The following SGCD variants were observed in gnomAD, a reference collection of about 807,000 sequenced individuals.
The protein encoded by SGCD is sarcoglycan delta, also known as delta-sarcoglycan.
SGCD carries 18 observed loss-of-function variants against 36.6 expected under a neutral mutation model. The ratio of observed to expected loss-of-function variants is 0.49; its 90% CI spans 0.34 to 0.73. The LOEUF is 0.73. SGCD is among the 30% of genes least tolerant of loss of function. The pLI is 0.01. For missense variants in SGCD, 387 were observed against 346.7 expected (o/e 1.12, Z -0.92); for synonymous variants, 133 against 130.6 (o/e 1.02, Z -0.12).
the SGCD span, among the ~76,000 whole-genome samples, chr5:155,736,296 C>G: frequency 6.6e-6 from 1 of 152,134 alleles, no homozygotes; most frequent in African/African-American, 2.4e-5. Context: ...AAAAAGCTTA[C>G]CAAACTAACC....
At chr5:156,525,665 C>G (rs974831490) in intron 4 of SGCD, among the ~76,000 whole-genome samples, 12 of 151,972 alleles carry the variant, frequency 7.9e-5, no homozygotes, top group African/African-American at 2.7e-4. Flanking sequence ...AGACCAATGT[C>G]ATAGAGCTTT....
intron 7 of SGCD, among the ~76,000 whole-genome samples, chr5:156,662,910 G>C (rs1281046694): frequency 2.0e-5 from 3 of 149,190 alleles, no homozygotes; most frequent in Non-Finnish European, 4.5e-5. Context: ...TACCCACACC[G>C]GTTTTTCTGT....
intron 3 of SGCD, among the ~76,000 whole-genome samples, chr5:156,146,800 G>A (rs532680241): frequency 1.8e-4 from 27 of 152,170 alleles, no homozygotes; most frequent in Non-Finnish European, 3.5e-4. Flanking sequence ...ATTGCTTCTG[G>A]GAAGCCCAGG....
chr5:155,896,472 CAAAA>C (rs34729768), intron 1 of SGCD, among the ~76,000 whole-genome samples: 1 of 125,146 alleles, frequency 8.0e-6, no homozygotes, highest in Non-Finnish European at 1.7e-5. Flanking sequence ...CCTGTCTCTA[CAAAA>C]AAAAAAAAAA....
intron 2 of SGCD, among the ~76,000 whole-genome samples, chr5:156,332,210 C>T (rs1429023061): frequency 6.6e-6 from 1 of 152,216 alleles, no homozygotes; most frequent in African/African-American, 2.4e-5. Flanking sequence ...AACAGCAGGT[C>T]ATAAACCGGC....
At chr5:155,962,974 C>A (rs933231480) in intron 1 of SGCD, among the ~76,000 whole-genome samples, 1 of 152,086 alleles carries the variant, frequency 6.6e-6, no homozygotes, top group Non-Finnish European at 1.5e-5. Context: ...TTTTGAGGCA[C>A]AAAAGAAAAT....
At chr5:156,671,225 A>G (rs542740314) in intron 7 of SGCD, among the ~76,000 whole-genome samples, 7 of 149,196 alleles carry the variant, frequency 4.7e-5, no homozygotes, top group East Asian at 2.0e-4. Flanking sequence ...TGGCTTTCCA[A>G]TTGGAGCTTT....
chr5:156,396,343 G>A (rs555149013), intron 3 of SGCD, among the ~76,000 whole-genome samples: 2 of 152,332 alleles, frequency 1.3e-5, no homozygotes, highest in South Asian at 2.1e-4. Context: ...CAATTGTGGA[G>A]CACATAAACT....
chr5:156,365,685 A>T (rs1356496464), intron 3 of SGCD, among the ~76,000 whole-genome samples: 2 of 152,168 alleles, frequency 1.3e-5, no homozygotes, highest in Non-Finnish European at 2.9e-5. Flanking sequence ...TATGCCCATA[A>T]ATATGGGCAT....
the SGCD span, among the ~76,000 whole-genome samples, chr5:155,781,522 C>A: frequency 4.6e-5 from 7 of 152,174 alleles, no homozygotes; most frequent in African/African-American, 1.7e-4. Context: ...TGTGCAGTGG[C>A]ATGATCATGG....
chr5:155,979,322 C>T (rs1026709565), intron 1 of SGCD, among the ~76,000 whole-genome samples: 1 of 152,194 alleles, frequency 6.6e-6, no homozygotes, highest in African/African-American at 2.4e-5. Flanking sequence ...TAGGGGAACA[C>T]AGTGCCTGGC....
At chr5:156,757,954 T>G in intron 8 of SGCD, 2 of 1,260,448 alleles carry the variant, frequency 1.6e-6, no homozygotes, top group Non-Finnish European at 1.0e-6. Context: ...TATATGACCA[T>G]GAAAATGAAT....
intron 7 of SGCD, among the ~76,000 whole-genome samples, chr5:156,684,856 G>A (rs751200976): frequency 3.9e-5 from 6 of 152,136 alleles, no homozygotes; most frequent in South Asian, 2.1e-4. Context: ...GATAATTTCC[G>A]GTTTTAGTTT....
At chr5:156,369,044 C>A (rs1770252774) in intron 3 of SGCD, among the ~76,000 whole-genome samples, 1 of 152,132 alleles carries the variant, frequency 6.6e-6, no homozygotes, top group African/African-American at 2.4e-5. Flanking sequence ...CCAGATGATT[C>A]CCTGTAATTC....
At chr5:156,697,619 A>G (rs761459931) in intron 7 of SGCD, among the ~76,000 whole-genome samples, 3 of 152,166 alleles carry the variant, frequency 2.0e-5, no homozygotes, top group Non-Finnish European at 4.4e-5. Flanking sequence ...GAGTTTCTCT[A>G]TCTCTGCCTG....
the SGCD span, among the ~76,000 whole-genome samples, chr5:155,743,363 C>T: frequency 0.059 from 8,977 of 152,158 alleles, 872 homozygotes; most frequent in African/African-American, 0.2. Context: ...ACCAATATTA[C>T]AACAAAAGAT....
chr5:156,444,232 C>G (rs902364231), intron 3 of SGCD, among the ~76,000 whole-genome samples: 1 of 151,068 alleles, frequency 6.6e-6, no homozygotes, highest in Non-Finnish European at 1.5e-5. Flanking sequence ...CTCTCTCTCT[C>G]TCTGTGTTTC....
At position 156,348,501 on chromosome 5, in the gene SGCD, T is replaced by C. The variant is rs1459749260; in HGVS notation, c.192+3824T>C. ...GAAATTAAGCACTCAATCTCTTTTA[T>C]AATAGCTACAAAAATTTTAAATACC... On this transcript the variant is annotated intron_variant, in intron 3 of 8. Transcript: ENST00000337851. Among the ~76,000 whole-genome samples the C allele has an allele frequency of 2.0e-5, 3 of 152,068 alleles. No homozygotes were observed. The East Asian group carries it at 5.8e-4, about 29-fold the overall frequency.
At chr5:156,070,875 G>C (rs542622622) in intron 1 of SGCD, among the ~76,000 whole-genome samples, 7 of 152,238 alleles carry the variant, frequency 4.6e-5, no homozygotes, top group South Asian at 2.1e-4. Context: ...TGTATGTGAT[G>C]AGGAATTTAT....
Sources: allele counts gnomAD v4.1 joint callset (sites outside exome capture counted in the v4.1 genomes callset), GRCh38; gene constraint gnomAD v4.1.1; transcripts MANE v1.5; gene names NCBI Gene and HGNC (gene_info 2026-07-23, HGNC 2026-07-21).